TBC1D9B: variants seen among roughly 807,000 people sequenced by gnomAD.
TBC1D9B encodes the protein TBC1 domain family member 9B.
Under a neutral mutation model 121.1 loss-of-function variants are expected in TBC1D9B, and 87 were observed. The observed-to-expected ratio is 0.72, with a 90% confidence interval of 0.60 to 0.86. The LOEUF is 0.86. Among genes scored for constraint, TBC1D9B ranks in the 40% least tolerant of loss-of-function variants. TBC1D9B has a pLI of 0.00. For synonymous variants in TBC1D9B, 668 were observed against 670.1 expected (o/e 1.00, Z 0.05); for missense variants, 1,540 against 1,628.6 (o/e 0.95, Z 0.94).
At chr5:179,869,663 GC>G in intron 17 of TBC1D9B, 105 bp downstream of exon 17, 3 of 1,250,706 alleles carry the variant, frequency 2.4e-6, no homozygotes, top group Non-Finnish European at 3.4e-6. Flanking sequence ...CTGCGACGCT[GC>G]TGTGCCCCCT....
intron 15 of TBC1D9B, chr5:179,870,726 A>AG (rs1760168087): frequency 1.6e-6 from 1 of 630,050 alleles, no homozygotes; most frequent in African/African-American, 1.8e-5. Flanking sequence ...GGCAGCCTGC[A>AG]GGGGGCAGAG....
At chr5:179,893,582 C>T in intron 4 of TBC1D9B, 115 bp from the exon 5 acceptor site, 1 of 1,389,132 alleles carries the variant, frequency 7.2e-7, no homozygotes, top group Non-Finnish European at 9.6e-7. Flanking sequence ...GCAGCACTTC[C>T]TGTGTGCCCA....
intron 2 of TBC1D9B, among the ~76,000 whole-genome samples, chr5:179,900,038 C>T (rs182185354): frequency 2.0e-3 from 304 of 152,130 alleles, no homozygotes; most frequent in Non-Finnish European, 3.6e-3. Context: ...GAGATCAGCC[C>T]GGGCAGCATG....
rs1192198144 is a variant in TBC1D9B, at chr5:179,870,315, T to C, written c.2665A>G (p.Arg889Gly). 4 of 1,613,788 alleles carry C rather than the reference T, an allele frequency of 2.5e-6. No homozygotes were observed. The highest frequency in any genetic ancestry group is 3.4e-6 in the Non-Finnish European group (4 of 1,180,038). ...HTPLLAGRMF[R>G]LLDENKDSLI... The stretch of plus-strand genomic sequence containing the variant: ...GAGTCCTTGTTTTCGTCCAGGAGCC[T>C]GAACATGCGCCCTGCCAGCAGAGGT... Residue 889 changes from arginine (R) to glycine (G), a missense_variant, in exon 16 of 21, where the codon AGG becomes GGG. By Grantham distance (125) the Arg-to-Gly change is moderately radical. Coordinates refer to ENST00000355235, the MANE Select transcript of TBC1D9B (RefSeq NM_015043.4).
Position 179,865,494 on chromosome 5 carries a change from G to A in TBC1D9B, c.2915-134C>T. 1 of 843,854 alleles carries A rather than the reference G, an allele frequency of 1.2e-6. No homozygotes were observed. Among genetic ancestry groups the A allele is most frequent in the Non-Finnish European group, 1.9e-6 (1 of 526,510 alleles). 52.3% of individuals were successfully genotyped at this position (843,854 alleles called of 1,614,324 possible). A position where few individuals can be genotyped will look rare whatever the true frequency, so the allele number is the denominator to read the frequency against. On this transcript the variant is annotated intron_variant, in intron 19 of 20. Coordinates refer to ENST00000355235, the MANE Select transcript of TBC1D9B (RefSeq NM_015043.4). The surrounding 1 kb of genome is among the most constrained non-coding windows in gnomAD (Gnocchi z 5.1). ...TATCATAAAACACCCTGGCGTTTGG[G>A]AAGGTGGTCATGGGAAAAAAACCCA...
chr5:179,900,582 T>G (rs32459), intron 2 of TBC1D9B, among the ~76,000 whole-genome samples: 1 of 152,164 alleles, frequency 6.6e-6, no homozygotes, highest in Non-Finnish European at 1.5e-5. Flanking sequence ...ACCAGTACCC[T>G]GGGGGAACAC....
chr5:179,889,282 C>T (rs1760789042), intron 6 of TBC1D9B, among the ~76,000 whole-genome samples: 1 of 152,132 alleles, frequency 6.6e-6, no homozygotes, highest in African/African-American at 2.4e-5. Flanking sequence ...CCCGCCTCAG[C>T]CTCCCAAAGT....
intron 3 of TBC1D9B, among the ~76,000 whole-genome samples, chr5:179,897,389 T>A (rs968977604): frequency 1.7e-4 from 26 of 151,706 alleles, no homozygotes; most frequent in Middle Eastern, 3.4e-3. Context: ...CTCAGCTCAC[T>A]GCAACCTCTG....
chr5:179,906,989 G>A (rs550989097), intron 1 of TBC1D9B, among the ~76,000 whole-genome samples: 6 of 152,280 alleles, frequency 3.9e-5, no homozygotes, highest in African/African-American at 7.2e-5. Context: ...GTGGCCTGTG[G>A]GCCTCCCCTG....
chr5:179,871,563 G>C, intron 14 of TBC1D9B, 33 bp from the exon 15 acceptor site: 18 of 1,605,978 alleles, frequency 1.1e-5, no homozygotes, highest in Non-Finnish European at 1.5e-5. Flanking sequence ...TATATAGCTG[G>C]ATCACAAGCT....
intron 1 of TBC1D9B, among the ~76,000 whole-genome samples, chr5:179,906,459 G>T (rs537664241): frequency 6.6e-6 from 1 of 152,260 alleles, no homozygotes. Context: ...GCCGAGCACA[G>T]CACAAGTGTT....
At chr5:179,903,861 G>A (rs1177283635) in intron 2 of TBC1D9B, among the ~76,000 whole-genome samples, 3 of 152,166 alleles carry the variant, frequency 2.0e-5, no homozygotes, top group East Asian at 1.9e-4. Flanking sequence ...AACAGGACAC[G>A]TGAGTGCAGT....
intron 6 of TBC1D9B, 83 bp from the exon 7 acceptor site, chr5:179,888,395 G>C: frequency 7.4e-7 from 1 of 1,355,332 alleles, no homozygotes; most frequent in South Asian, 1.2e-5. Flanking sequence ...AGACTGTCAT[G>C]CAGCTGTCCT....
At position 179,862,872 on chromosome 5, in the gene TBC1D9B, A is replaced by C. The variant is rs967337810; in HGVS notation, c.*576T>G. The C allele has an allele frequency of 3.0e-6, 1 of 331,278 alleles. No individual in the cohort carries two copies. Among genetic ancestry groups the C allele is most frequent in the African/African-American group, 2.2e-5 (1 of 46,488 alleles). The allele number at this position is 331,278 out of a possible 1,614,324, so 20.5% of individuals were successfully genotyped here. On this transcript the variant is annotated 3_prime_UTR_variant, in exon 21 of 21. Transcript: ENST00000355235. Reference sequence around the variant, plus strand: ...TTACTGGAAAGGATGATGAGCTGAGAGCACGTGTACAGCCACGCCTGTGCG... The same window carrying C: ...TTACTGGAAAGGATGATGAGCTGAGCGCACGTGTACAGCCACGCCTGTGCG...
intron 7 of TBC1D9B, among the ~76,000 whole-genome samples, chr5:179,886,595 T>C (rs2113629991): frequency 6.6e-6 from 1 of 152,328 alleles, no homozygotes; most frequent in Non-Finnish European, 1.5e-5. Context: ...GACGTAGTAA[T>C]TTATTTAGCA....
Position 179,863,933 on chromosome 5 carries a change from CG to C in TBC1D9B, c.3216del (p.Glu1073AsnfsTer119). 1 of 1,613,900 alleles carries C rather than the reference CG, an allele frequency of 6.2e-7. No homozygotes were observed. Among genetic ancestry groups the C allele is most frequent in the Admixed American group, 1.7e-5 (1 of 60,024 alleles). ...CATEEDEPPA[P>X]ELHQDAAREL... ...TCCCTGGCTGCGTCCTGATGCAGTT[CG>C]GGTGCTGGTGGCTCGTCCTCCTCAG... On this transcript the variant is annotated frameshift_variant, in exon 21 of 21. Transcript: ENST00000355235. LOFTEE classifies it low-confidence loss of function (END_TRUNC). This position sits in a 1 kb window ranked among gnomAD's most constrained non-coding sequence, Gnocchi z 4.5.
chr5:179,906,333 G>A (rs1761315416), intron 1 of TBC1D9B, among the ~76,000 whole-genome samples: 1 of 152,134 alleles, frequency 6.6e-6, no homozygotes, highest in Non-Finnish European at 1.5e-5. Context: ...CTGGGAGCTC[G>A]GTCCCAGGGG....
chr5:179,863,372 T>C lies in TBC1D9B; in HGVS notation c.*76A>G. The C allele has an allele frequency of 6.7e-7, 1 of 1,501,526 alleles. No homozygotes were observed. Among genetic ancestry groups the C allele is most frequent in the East Asian group, 2.3e-5 (1 of 44,228 alleles). The allele number at this position is 1,501,526 out of a possible 1,614,324, so 93.0% of individuals were successfully genotyped here. A position where few individuals can be genotyped will look rare whatever the true frequency, so the allele number is the denominator to read the frequency against. On this transcript the variant is annotated 3_prime_UTR_variant, in exon 21 of 21. Coordinates refer to ENST00000355235, the MANE Select transcript of TBC1D9B (RefSeq NM_015043.4). The surrounding 1 kb of genome is among the most constrained non-coding windows in gnomAD (Gnocchi z 4.5). ...GGGCACACCTTTAAAGAGAAACTGA[T>C]AAGGGAGGAAAGGCAGGAGGAGATG...
At chr5:179,893,505 C>T (rs1561646153) in intron 4 of TBC1D9B, 38 bp from the exon 5 acceptor site, 1 of 1,556,892 alleles carries the variant, frequency 6.4e-7, no homozygotes, top group Non-Finnish European at 8.7e-7. Flanking sequence ...AAGTTAGGGC[C>T]TGGCAGGGCG....
Sources: allele counts gnomAD v4.1 joint callset (sites outside exome capture counted in the v4.1 genomes callset), GRCh38; gene constraint gnomAD v4.1.1; non-coding constraint Gnocchi (gnomAD v3.1); transcripts MANE v1.5; gene names NCBI Gene and HGNC (gene_info 2026-07-23, HGNC 2026-07-21).